The following WNK1 variants were observed in gnomAD, a reference collection of about 807,000 sequenced individuals.
WNK1 encodes serine/threonine-protein kinase WNK1.
WNK1 carries 38 observed loss-of-function variants against 222.8 expected under a neutral mutation model. The ratio of observed to expected loss-of-function variants is 0.17; its 90% confidence interval spans 0.13 to 0.22. The LOEUF (loss-of-function observed/expected upper bound fraction) is 0.22. WNK1 is among the 10% of genes least tolerant of loss of function. The probability of loss-of-function intolerance (pLI) is 1.00; values close to 1 mark genes in which losing one functional copy is unlikely to be tolerated. For synonymous variants in WNK1, 1,090 were observed against 1,092.9 expected, an observed-to-expected ratio of 1.00 and a Z score of 0.05; for missense variants, 2,348 against 2,918.4, an observed-to-expected ratio of 0.80 and a Z score of 4.50.
chr12:873,414 C>G (rs527636831), intron 9 of WNK1, among the ~76,000 whole-genome samples: 2 of 152,178 alleles, frequency 1.3e-5, no homozygotes, highest in South Asian at 2.1e-4. Flanking sequence ...ACAGCAGAAA[C>G]AAAAATTAAT....
chr12:880,984 G>T lies in WNK1; in HGVS notation c.3096G>T (p.Gln1032His), dbSNP rs1490866479. 2 of 1,614,010 alleles carry T rather than the reference G, an allele frequency of 1.2e-6. No homozygotes were observed. Among genetic ancestry groups the T allele is most frequent in the African/African-American group, 2.7e-5 (2 of 74,926 alleles). ...SLAQAPTTSS[Q>H]QAVLESTQGV... ...CACAAGCCCCCACTACATCCTCCCA[G>T]CAAGCAGTTTTGGAGGTAAATAGAA... is the stretch of plus-strand genomic sequence containing the variant. The change falls in exon 12 of 28, where the codon CAG becomes CAT. Residue 1032 changes from glutamine (Q) to histidine (H), a missense_variant. By Grantham distance (24) the Gln-to-His change is conservative (BLOSUM62 0). Around this residue, in one of 13 missense-constraint regions of WNK1, gnomAD observed 547 missense variants for 558.3 expected, o/e 0.98. Transcript: ENST00000315939.
At chr12:870,363 T>G (rs1952036892) in intron 8 of WNK1, among the ~76,000 whole-genome samples, 1 of 152,212 alleles carries the variant, frequency 6.6e-6, no homozygotes, top group Non-Finnish European at 1.5e-5. Context: ...GGTAGTTAAT[T>G]TATAGACATA....
intron 21 of WNK1, 61 bp from the exon 22 acceptor site, chr12:890,392 G>A (rs1254499494): frequency 6.3e-7 from 1 of 1,599,476 alleles, no homozygotes; most frequent in African/African-American, 1.3e-5. Context: ...AAGGCAACGA[G>A]GCAAAAGTTT....
chr12:758,373 CTTTTTTTTTT>C (rs397957357), intron 1 of WNK1, among the ~76,000 whole-genome samples: 2 of 64,720 alleles, frequency 3.1e-5, no homozygotes, highest in East Asian at 5.0e-4. Context: ...TGCTATAGTT[CTTTTTTTTTT>C]TTTTTTTTTT....
rs1952995397 is a variant in WNK1 at position 879,906 on chromosome 12, G to A, written c.2707G>A (p.Val903Met). ...TCAGCTTCCAACCCTTCTGCAGCCT[G>A]TGACTCAGCTGCCAAGTCAGGTTCA... ...PSQLPTLLQP[V>M]TQLPSQVHPQ... is the part of the protein sequence containing the mutation. The change falls in exon 11 of 28, where the codon GTG becomes ATG. Residue 903 changes from valine to methionine, a missense_variant. Coordinates refer to ENST00000315939, the MANE Select transcript of WNK1 (RefSeq NM_018979.4). 6.2e-7 allele frequency: 1 copy of A among 1,614,092 alleles called. No homozygotes were observed. Among genetic ancestry groups the A allele is most frequent in the African/African-American group, 1.3e-5 (1 of 75,022 alleles).
chr12:908,716 C>T lies in WNK1; in HGVS notation c.7073C>T (p.Ser2358Phe), dbSNP rs1236255708. 1.9e-6 allele frequency: 3 copies of T among 1,614,040 alleles called. No individual in the cohort carries two copies. The Admixed American group carries it at 5.0e-5, about 27-fold the overall frequency. Residue 2358 changes from serine (S) to phenylalanine (F), a missense_variant, in exon 28 of 28, where the codon TCC (serine) becomes TTC (phenylalanine). Physicochemically the swap from Ser to Phe is radical, Grantham distance 155 (BLOSUM62 -2). Around this residue, in one of 13 missense-constraint regions of WNK1, gnomAD observed 76 missense variants for 85.7 expected, o/e 0.89. Coordinates refer to ENST00000315939, the MANE Select transcript of WNK1 (RefSeq NM_018979.4). ...LGQFQPVGTA[S>F]LQNFNISNLQ... is the part of the protein sequence containing the mutation. ...CAGTTCCAACCTGTGGGAACTGCCT[C>T]CTTGCAGAATTTCAACATCAGCAAT...
intron 9 of WNK1, chr12:877,900 G>T (rs535071108): frequency 2.6e-6 from 1 of 378,004 alleles, no homozygotes; most frequent in African/African-American, 2.1e-5. Context: ...ATGGGGAAAG[G>T]AACTGTCTGG....
chr12:857,888 C>T (rs2154063042), intron 5 of WNK1, among the ~76,000 whole-genome samples: 1 of 152,266 alleles, frequency 6.6e-6, no homozygotes, highest in East Asian at 1.9e-4. Flanking sequence ...ATCTTTGCCA[C>T]CCCCTTCCAT....
chr12:859,170 G>A, intron 5 of WNK1, 75 bp from the exon 6 acceptor site: 7 of 1,264,522 alleles, frequency 5.5e-6, no homozygotes, highest in Non-Finnish European at 8.0e-6. Context: ...ACAATAATTG[G>A]CCACATTTGA....
intron 2 of WNK1, among the ~76,000 whole-genome samples, chr12:822,087 CTTT>C (rs376271992): frequency 7.0e-5 from 5 of 71,462 alleles, no homozygotes; most frequent in Admixed American, 2.2e-4. Flanking sequence ...TGTCTTATAC[CTTT>C]TTTTTTTTTT....
chr12:844,169 T>C (rs576183175), intron 4 of WNK1, among the ~76,000 whole-genome samples: 2 of 152,178 alleles, frequency 1.3e-5, no homozygotes, highest in Admixed American at 6.5e-5. Flanking sequence ...TCTTGCTCTG[T>C]CGCCCAGGCT....
chr12:755,489 A>C (rs1045721236), intron 1 of WNK1, among the ~76,000 whole-genome samples: 1 of 152,252 alleles, frequency 6.6e-6, no homozygotes, highest in African/African-American at 2.4e-5. Flanking sequence ...AAGTAAACTT[A>C]AAAACTAAGA....
chr12:889,045 T>A, intron 20 of WNK1, 95 bp from the exon 21 acceptor site: 1 of 931,118 alleles, frequency 1.1e-6, no homozygotes, highest in South Asian at 1.3e-5. Context: ...TGTGCCAATA[T>A]AAAGCATAAA....
At chr12:802,407 A>G (rs1945968424) in intron 1 of WNK1, among the ~76,000 whole-genome samples, 1 of 152,220 alleles carries the variant, frequency 6.6e-6, no homozygotes, top group Non-Finnish European at 1.5e-5. Context: ...TACACGTATC[A>G]CAGTTGTAAA....
At position 885,357 on chromosome 12, in the gene WNK1, T is replaced by C. The variant is rs770885455; in HGVS notation, c.4553T>C (p.Leu1518Ser). The change falls in exon 19 of 28, where the codon TTA becomes TCA. Residue 1518 changes from leucine (L) to serine (S), a missense_variant. This residue lies in a region of WNK1 where 1,144 missense variants were observed against 1,273.6 expected (regional missense o/e 0.90). Coordinates refer to ENST00000315939, the MANE Select transcript of WNK1 (RefSeq NM_018979.4). ...AGCAGCAGTACTTCTACTCCTACTT[T>C]AGCTGAAACCGTGGTAGTTAGCGCA... ...QLSSSTSTPT[L>S]AETVVVSAHS... The C allele has an allele frequency of 1.5e-5, 25 of 1,613,870 alleles. No individual in the cohort carries two copies. The highest frequency in any genetic ancestry group is 4.0e-5 in the African/African-American group (3 of 74,918).
intron 1 of WNK1, among the ~76,000 whole-genome samples, chr12:785,856 G>A (rs1339816744): frequency 6.6e-6 from 1 of 151,982 alleles, no homozygotes; most frequent in Non-Finnish European, 1.5e-5. Flanking sequence ...CATTTGAGTT[G>A]GGCACTGAAA....
At chr12:847,677 A>T (rs1221896820) in intron 4 of WNK1, among the ~76,000 whole-genome samples, 1 of 151,918 alleles carries the variant, frequency 6.6e-6, no homozygotes, top group Non-Finnish European at 1.5e-5. Flanking sequence ...ACTTAACTGG[A>T]GTATAAATTA....
intron 8 of WNK1, chr12:868,156 T>C (rs1412801992): frequency 6.2e-7 from 1 of 1,614,014 alleles, no homozygotes; most frequent in Admixed American, 1.7e-5. Flanking sequence ...GTAGAGTAAC[T>C]GGAGAGTCAT....
At position 836,382 on chromosome 12, in the gene WNK1, C is replaced by T. The variant is rs144662097; in HGVS notation, c.1311+6222C>T. Reference sequence around the variant, plus strand: ...TCTGTTGAAATTATATAAGAAAGTACATTTGAAAAAGTTGAGAAATATATT... The same window carrying T: ...TCTGTTGAAATTATATAAGAAAGTATATTTGAAAAAGTTGAGAAATATATT... On this transcript the variant is annotated intron_variant, in intron 4 of 27. Transcript: ENST00000315939. Among the ~76,000 whole-genome samples, 4 of 152,264 alleles carry T rather than the reference C, an allele frequency of 2.6e-5. No individual in the cohort carries two copies. In the East Asian group the frequency reaches 7.7e-4, roughly 29 times the overall value.
Sources: allele counts gnomAD v4.1 joint callset (sites outside exome capture counted in the v4.1 genomes callset), GRCh38; gene constraint gnomAD v4.1.1; regional missense constraint gnomAD v4.1.1; transcripts MANE v1.5; gene names NCBI Gene and HGNC (gene_info 2026-07-23, HGNC 2026-07-21).